The following MAN1C1 variants were observed in gnomAD, a reference collection of about 807,000 sequenced individuals.
MAN1C1 encodes the protein mannosidase alpha class 1C member 1.
MAN1C1 carries 49 observed loss-of-function variants against 71.5 expected under a neutral mutation model. The ratio of observed to expected loss-of-function variants is 0.69; its 90% CI spans 0.54 to 0.87. The LOEUF (loss-of-function observed/expected upper bound fraction) is 0.87. Among genes scored for constraint, MAN1C1 ranks in the 40% least tolerant of loss-of-function variants. The pLI is 0.00. For synonymous variants in MAN1C1, 352 were observed against 343.7 expected (o/e 1.02, Z -0.27); for missense variants, 743 against 835.0 (o/e 0.89, Z 1.36).
chr1:25,765,623 G>T (rs1220869265), intron 7 of MAN1C1, among the ~76,000 whole-genome samples: 1 of 152,232 alleles, frequency 6.6e-6, no homozygotes, highest in African/African-American at 2.4e-5. Flanking sequence ...GTGTGCCATG[G>T]AGGGGCGTAG....
At chr1:25,762,494 G>A (rs1439006859) in intron 6 of MAN1C1, among the ~76,000 whole-genome samples, 2 of 149,186 alleles carry the variant, frequency 1.3e-5, no homozygotes, top group East Asian at 2.0e-4. Flanking sequence ...AAGGCGCCAT[G>A]TCTGCTAACT....
chr1:25,775,452 C>G lies in MAN1C1; in HGVS notation c.1258-2653C>G, dbSNP rs941396284. Among the ~76,000 whole-genome samples, 1 of 152,228 alleles carries G rather than the reference C, an allele frequency of 6.6e-6. No homozygotes were observed. Among genetic ancestry groups the G allele is most frequent in the African/African-American group, 2.4e-5 (1 of 41,454 alleles). On this transcript the variant is annotated intron_variant, in intron 8 of 11. Transcript: ENST00000374332. This position sits in a 1 kb window ranked among gnomAD's most constrained non-coding sequence, Gnocchi z 5.1. Reference sequence around the variant, plus strand: ...GAGAGAAAAAAGGAAAAAACAGACCCAGGAGTGAGCGAGTGTTCCTTGAGC... The same window carrying G: ...GAGAGAAAAAAGGAAAAAACAGACCGAGGAGTGAGCGAGTGTTCCTTGAGC...
chr1:25,742,935 G>T (rs1557788284), intron 2 of MAN1C1, among the ~76,000 whole-genome samples: 1 of 152,190 alleles, frequency 6.6e-6, no homozygotes, highest in Non-Finnish European at 1.5e-5. Context: ...CTATTTCAAG[G>T]TGAACTAAGG....
In MAN1C1 at chr1:25,774,575, C is replaced by T. The variant is rs530963266; in HGVS notation, c.1257+2803C>T. On this transcript the variant is annotated intron_variant, in intron 8 of 11. Transcript: ENST00000374332. ...AGGCGGCAAAGGAAGGAACAGCCAG[C>T]GCCAGGCACTGAGCCAGGCTTCGAA... Among the ~76,000 whole-genome samples, 33 of 152,298 alleles carry T rather than the reference C, an allele frequency of 2.2e-4. No homozygotes were observed. In the East Asian group the frequency reaches 5.4e-3, roughly 25 times the overall value.
chr1:25,693,791 T>C (rs905418059), intron 2 of MAN1C1, among the ~76,000 whole-genome samples: 2 of 152,230 alleles, frequency 1.3e-5, no homozygotes, highest in African/African-American at 4.8e-5. Flanking sequence ...GAATCCTGTC[T>C]CTGCCACTTT....
At chr1:25,621,359 G>A (rs1414771715) in intron 1 of MAN1C1, among the ~76,000 whole-genome samples, 1 of 152,162 alleles carries the variant, frequency 6.6e-6, no homozygotes, top group African/African-American at 2.4e-5. Flanking sequence ...CCCTCAGCTT[G>A]GAATCACGAA....
At chr1:25,768,038 TCACATACATCCACACTCCCCTCA>T (rs2047471452) in intron 7 of MAN1C1, among the ~76,000 whole-genome samples, 2 of 60,688 alleles carry the variant, frequency 3.3e-5, no homozygotes, top group Admixed American at 4.0e-4. Flanking sequence ...CACACTCCCC[TCACATACATCCACACTCCCCTCA>T]CACACACACA....
At chr1:25,768,041 CAT>C (rs2047471614) in intron 7 of MAN1C1, among the ~76,000 whole-genome samples, 1 of 112,602 alleles carries the variant, frequency 8.9e-6, no homozygotes, top group Non-Finnish European at 1.8e-5. Flanking sequence ...ACTCCCCTCA[CAT>C]ACATCCACAC....
intron 1 of MAN1C1, among the ~76,000 whole-genome samples, chr1:25,679,951 A>T (rs867765804): frequency 8.0e-5 from 9 of 112,860 alleles, no homozygotes; most frequent in African/African-American, 3.7e-4. Flanking sequence ...AAAAAAAAAA[A>T]TATATATATA....
chr1:25,779,588 A>G lies in MAN1C1; in HGVS notation c.1477+1264A>G, dbSNP rs1322830268. Among the ~76,000 whole-genome samples, 1 of 152,258 alleles carries G rather than the reference A, an allele frequency of 6.6e-6. No individual in the cohort carries two copies. The highest frequency in any genetic ancestry group is 2.4e-5 in the African/African-American group (1 of 41,472). On this transcript the variant is annotated intron_variant, in intron 9 of 11. Transcript: ENST00000374332. This position sits in a 1 kb window ranked among gnomAD's most constrained non-coding sequence, Gnocchi z 4.6. ...TTGTCTGAGACAATCAGCCCAGACCATAAAAGACAGCCGCTTAATAAAGCA... is the reference window on the plus strand; with the variant it reads ...TTGTCTGAGACAATCAGCCCAGACCGTAAAAGACAGCCGCTTAATAAAGCA...
chr1:25,701,907 A>C (rs545745432), intron 2 of MAN1C1, among the ~76,000 whole-genome samples: 121 of 152,286 alleles, frequency 7.9e-4, no homozygotes, highest in African/African-American at 2.9e-3. Flanking sequence ...TAAAAATACA[A>C]AAATCAGCCG....
At chr1:25,630,389 T>C (rs1557740146) in intron 1 of MAN1C1, among the ~76,000 whole-genome samples, 3 of 152,208 alleles carry the variant, frequency 2.0e-5, no homozygotes, top group Non-Finnish European at 4.4e-5. Flanking sequence ...CAGGCTCTTT[T>C]TAAAAATTTC....
At chr1:25,637,141 C>A (rs914850978) in intron 1 of MAN1C1, among the ~76,000 whole-genome samples, 2 of 151,590 alleles carry the variant, frequency 1.3e-5, no homozygotes, top group Non-Finnish European at 1.5e-5. Flanking sequence ...GGCAACAGAG[C>A]AAACTCTGTC....
chr1:25,695,385 GA>G (rs1220093346), intron 2 of MAN1C1, among the ~76,000 whole-genome samples: 1 of 152,132 alleles, frequency 6.6e-6, no homozygotes, highest in Non-Finnish European at 1.5e-5. Flanking sequence ...ACTGGTCACT[GA>G]TAGCCAGGCC....
chr1:25,707,192 A>G (rs188543293), intron 2 of MAN1C1, among the ~76,000 whole-genome samples: 1 of 152,354 alleles, frequency 6.6e-6, no homozygotes, highest in Non-Finnish European at 1.5e-5. Context: ...CTTATTCTTT[A>G]AAACTCAGGG....
In MAN1C1 at chr1:25,735,524, G is replaced by T. The variant is rs1339629216; in HGVS notation, c.638-11144G>T. Among the ~76,000 whole-genome samples, 2 of 152,106 alleles carry T rather than the reference G, an allele frequency of 1.3e-5. No homozygotes were observed. Among genetic ancestry groups the T allele is most frequent in the African/African-American group, 4.8e-5 (2 of 41,402 alleles). ...TGTATGTATGTGTGTGTATATATAT[G>T]TGTATGTATATGTGTATGTATATAT... On this transcript the variant is annotated intron_variant, in intron 2 of 11. Transcript: ENST00000374332. The surrounding 1 kb of genome is among the most constrained non-coding windows in gnomAD (Gnocchi z 4.6).
At chr1:25,717,778 A>G (rs1267222) in intron 2 of MAN1C1, among the ~76,000 whole-genome samples, 33,998 of 151,624 alleles carry the variant, frequency 0.22, 6,147 homozygotes, top group African/African-American at 0.5. Flanking sequence ...TGGTCAGGCT[A>G]GTCTTGAACT....
chr1:25,649,939 G>A (rs2045668811), intron 1 of MAN1C1, among the ~76,000 whole-genome samples: 1 of 152,118 alleles, frequency 6.6e-6, no homozygotes, highest in Non-Finnish European at 1.5e-5. Flanking sequence ...TGCCCGGCCT[G>A]GCCTTGTTGC....
chr1:25,705,084 TAAAA>T (rs1165615368), intron 2 of MAN1C1, among the ~76,000 whole-genome samples: 61 of 152,372 alleles, frequency 4.0e-4, no homozygotes, highest in Non-Finnish European at 7.2e-4. Context: ...TTTCTGCCCT[TAAAA>T]TTACTCGATC....
Sources: allele counts gnomAD v4.1 joint callset (sites outside exome capture counted in the v4.1 genomes callset), GRCh38; gene constraint gnomAD v4.1.1; non-coding constraint Gnocchi (gnomAD v3.1); transcripts MANE v1.5; gene names NCBI Gene and HGNC (gene_info 2026-07-23, HGNC 2026-07-21).